HACL1: variants seen among roughly 807,000 people sequenced by gnomAD.
HACL1 encodes 2-hydroxyacyl-CoA lyase 1, also known as 1600020H07Rik.
Under a neutral mutation model 74.2 loss-of-function variants are expected in HACL1, and 64 were observed. The observed-to-expected ratio is 0.86, with a 90% CI of 0.70 to 1.06. HACL1 has a LOEUF of 1.06. Ranked by LOEUF, HACL1 falls within the 50% of genes least tolerant of loss-of-function variation. The pLI is 0.00. For missense variants in HACL1, 728 were observed against 719.7 expected (o/e 1.01, Z -0.13); for synonymous variants, 230 against 238.8 (o/e 0.96, Z 0.34).
At chr3:15,596,642 C>T (rs2064071152) in intron 2 of HACL1, among the ~76,000 whole-genome samples, 1 of 152,206 alleles carries the variant, frequency 6.6e-6, no homozygotes, top group Non-Finnish European at 1.5e-5. Flanking sequence ...TTATTCAAAA[C>T]ATCCTCTTAC....
intron 8 of HACL1, among the ~76,000 whole-genome samples, chr3:15,581,560 C>T (rs1574927911): frequency 6.6e-6 from 1 of 152,308 alleles, no homozygotes; most frequent in Non-Finnish European, 1.5e-5. Flanking sequence ...TCTTTGTACA[C>T]TCAGTTCTCT....
At chr3:15,586,098 C>T (rs1032070963) in intron 6 of HACL1, among the ~76,000 whole-genome samples, 8 of 152,064 alleles carry the variant, frequency 5.3e-5, no homozygotes, top group African/African-American at 1.9e-4. Flanking sequence ...CAGTCAGAAA[C>T]ACTTCTGAAA....
In HACL1 at chr3:15,583,033, T is replaced by C. The variant is rs150011394; in HGVS notation, c.555-44A>G. 7.3e-4 allele frequency: 650 copies of C among 890,124 alleles called. 5 individuals carry two copies. The East Asian group carries it at 0.014, about 19-fold the overall frequency. The allele number at this position is 890,124 out of a possible 1,614,324, so 55.1% of individuals were successfully genotyped here. On this transcript the variant is annotated intron_variant, in intron 7 of 16. Transcript: ENST00000321169. ...ATTAATTAAAAGAGGCCAACTATGA[T>C]CTTTTTATTGTGAAAATTTCAAATA...
At chr3:15,594,783 A>G (rs1183326642) in intron 3 of HACL1, among the ~76,000 whole-genome samples, 1 of 152,236 alleles carries the variant, frequency 6.6e-6, no homozygotes, top group Non-Finnish European at 1.5e-5. Flanking sequence ...CGTGGCTACT[A>G]TACTTGCCAG....
At chr3:15,591,873 TACAC>T (rs1338992274) in intron 3 of HACL1, among the ~76,000 whole-genome samples, 193 bp from the exon 4 acceptor site, 4 of 150,680 alleles carry the variant, frequency 2.7e-5, no homozygotes, top group East Asian at 1.9e-4. Flanking sequence ...TATATATACA[TACAC>T]ACATATACGT....
At chr3:15,564,493 T>G in intron 15 of HACL1, 58 bp downstream of exon 15, 1 of 799,578 alleles carries the variant, frequency 1.3e-6, no homozygotes, top group Non-Finnish European at 2.1e-6. Flanking sequence ...GAAGACTTTT[T>G]AAAAAGAGAT....
intron 3 of HACL1, among the ~76,000 whole-genome samples, chr3:15,594,258 T>C (rs2064015771): frequency 6.6e-6 from 1 of 152,082 alleles, no homozygotes; most frequent in African/African-American, 2.4e-5. Flanking sequence ...ATATAAAAAC[T>C]AGCTGAGTAT....
intron 8 of HACL1, among the ~76,000 whole-genome samples, chr3:15,582,208 T>C (rs1449523558): frequency 6.6e-6 from 1 of 152,206 alleles, no homozygotes; most frequent in African/African-American, 2.4e-5. Flanking sequence ...GACAGGAGTA[T>C]AAATTGGTTG....
rs1324663998 is a variant in HACL1, at chr3:15,582,900, T to C, written c.644A>G (p.Gln215Arg). Reference protein sequence around the residue: ...TAASVIRNAKQPLLIIGKGAA... With the variant: ...TAASVIRNAKRPLLIIGKGAA... ...ACCTTTCCCGATGATAAGAAGGGGTTGTTTGGCATTCCTAATAACAGAAGC... is the reference window on the plus strand; with the variant it reads ...ACCTTTCCCGATGATAAGAAGGGGTCGTTTGGCATTCCTAATAACAGAAGC... The change falls in exon 8 of 17, where the codon CAA becomes CGA. Residue 215 changes from glutamine to arginine, a missense_variant. Physicochemically the swap from Gln to Arg is conservative, Grantham distance 43. Coordinates refer to ENST00000321169, the MANE Select transcript of HACL1 (RefSeq NM_012260.4). 1 of 1,598,316 alleles carries C rather than the reference T, an allele frequency of 6.3e-7. No homozygotes were observed. Among genetic ancestry groups the C allele is most frequent in the Non-Finnish European group, 8.6e-7 (1 of 1,165,952 alleles).
chr3:15,600,895 G>T (rs1171110897), intron 2 of HACL1, 195 bp downstream of exon 2: 4 of 611,320 alleles, frequency 6.5e-6, no homozygotes, highest in Non-Finnish European at 1.2e-5. Flanking sequence ...GTCACCAAAG[G>T]CAAGTTTTAC....
chr3:15,593,911 C>T (rs2064007955), intron 3 of HACL1, among the ~76,000 whole-genome samples: 1 of 151,488 alleles, frequency 6.6e-6, no homozygotes, highest in African/African-American at 2.4e-5. Flanking sequence ...GATTCTCCTG[C>T]CTCAGCCTCC....
intron 2 of HACL1, among the ~76,000 whole-genome samples, chr3:15,599,115 C>G (rs551162797): frequency 2.4e-4 from 36 of 152,354 alleles, no homozygotes; most frequent in African/African-American, 8.4e-4. Flanking sequence ...TACTCCTTCT[C>G]TGGGCTTTAT....
intron 16 of HACL1, 48 bp downstream of exon 16, chr3:15,563,309 TA>T (rs1559545016): frequency 2.4e-6 from 3 of 1,245,612 alleles, no homozygotes; most frequent in Non-Finnish European, 3.5e-6. Context: ...TGGAGGGGGA[TA>T]GGGGAAGCAG....
chr3:15,561,265 T>C (rs1214790828), intron 16 of HACL1, among the ~76,000 whole-genome samples: 1 of 152,206 alleles, frequency 6.6e-6, no homozygotes, highest in Non-Finnish European at 1.5e-5. Context: ...ACGGAAGTCT[T>C]TTCCAGAACT....
Position 15,580,025 on chromosome 3 carries a change from C to T in HACL1, c.688G>A (p.Glu230Lys). 1 of 1,612,230 alleles carries T rather than the reference C, an allele frequency of 6.2e-7. No homozygotes were observed. Among genetic ancestry groups the T allele is most frequent in the Admixed American group, 1.7e-5 (1 of 59,982 alleles). The change falls in exon 9 of 17, where the codon GAA (glutamate) becomes AAA (lysine). Residue 230 changes from glutamate (E) to lysine (K), a missense_variant. Coordinates refer to ENST00000321169, the MANE Select transcript of HACL1 (RefSeq NM_012260.4). Reference protein sequence around the residue: ...IGKGAAYAHAEESIKKLVEQY... With the variant: ...IGKGAAYAHAKESIKKLVEQY... ...TCCACCAATTTCTTGATACTCTCTT[C>T]TGCATGAGCGTAAGCAGCACCTATA...
chr3:15,561,526 A>G (rs1054787319), intron 16 of HACL1, among the ~76,000 whole-genome samples: 6 of 152,270 alleles, frequency 3.9e-5, no homozygotes, highest in African/African-American at 1.2e-4. Context: ...ACGAGAACTC[A>G]TATTTCTCCA....
chr3:15,562,834 G>C (rs1006054721), intron 16 of HACL1, among the ~76,000 whole-genome samples: 1 of 152,108 alleles, frequency 6.6e-6, no homozygotes. Context: ...TATTACAGTT[G>C]CATCTCCCTC....
intron 7 of HACL1, 70 bp from the exon 8 acceptor site, chr3:15,583,059 T>C (rs1438460137): frequency 4.2e-6 from 3 of 717,686 alleles, no homozygotes; most frequent in South Asian, 1.7e-5. Flanking sequence ...ATTTCAAATA[T>C]ATAGAAAGGT....
At chr3:15,594,511 T>C (rs2064021214) in intron 3 of HACL1, among the ~76,000 whole-genome samples, 1 of 152,214 alleles carries the variant, frequency 6.6e-6, no homozygotes. Context: ...CATTTTACAC[T>C]TATAAAATAA....
Sources: allele counts gnomAD v4.1 joint callset (sites outside exome capture counted in the v4.1 genomes callset), GRCh38; gene constraint gnomAD v4.1.1; transcripts MANE v1.5; gene names NCBI Gene and HGNC (gene_info 2026-07-23, HGNC 2026-07-21).